The following C1orf21 variants were observed in gnomAD, a reference collection of about 807,000 sequenced individuals.
The protein encoded by C1orf21 is chromosome 1 open reading frame 21, also known as uncharacterized protein C1orf21.
In C1orf21, 3 loss-of-function variants were observed where a neutral mutation model predicts 18.7. The observed-to-expected ratio is 0.16, with a 90% confidence interval of 0.07 to 0.42. The LOEUF is 0.42. Among genes scored for constraint, C1orf21 ranks in the 10% least tolerant of loss-of-function variants. The pLI is 0.99. For synonymous variants in C1orf21, 41 were observed against 46.4 expected (o/e 0.88, Z 0.47); for missense variants, 104 against 143.6 (o/e 0.72, Z 1.41).
chr1:184,436,578 A>G (rs954144422), intron 1 of C1orf21, among the ~76,000 whole-genome samples: 4 of 152,098 alleles, frequency 2.6e-5, no homozygotes, highest in Admixed American at 2.6e-4. Context: ...GAGAAAAAAA[A>G]ATGTGACCTG....
intron 3 of C1orf21, among the ~76,000 whole-genome samples, chr1:184,536,212 G>A (rs1658549823): frequency 6.6e-6 from 1 of 152,156 alleles, no homozygotes; most frequent in Admixed American, 6.5e-5. Context: ...CATCTGACCT[G>A]GGTCAAACTT....
chr1:184,430,060 C>A (rs369245598), intron 1 of C1orf21, among the ~76,000 whole-genome samples: 21 of 148,208 alleles, frequency 1.4e-4, no homozygotes, highest in African/African-American at 4.5e-4. Flanking sequence ...TGCAGTGAGC[C>A]GAGATCACCC....
chr1:184,463,028 G>A (rs567248044), intron 1 of C1orf21, among the ~76,000 whole-genome samples: 28 of 148,152 alleles, frequency 1.9e-4, no homozygotes, highest in Middle Eastern at 3.5e-3. Flanking sequence ...GTTGCAGTGA[G>A]CCGAGATCAT....
chr1:184,574,349 T>C (rs1659156869), intron 3 of C1orf21, among the ~76,000 whole-genome samples: 1 of 152,220 alleles, frequency 6.6e-6, no homozygotes, highest in Non-Finnish European at 1.5e-5. Flanking sequence ...AATGTGCATA[T>C]GGAAAAAGTA....
chr1:184,440,401 C>T (rs372041640), intron 1 of C1orf21, among the ~76,000 whole-genome samples: 23 of 152,178 alleles, frequency 1.5e-4, no homozygotes, highest in East Asian at 1.4e-3. Context: ...CGCCCTACAC[C>T]GGCCATTTTG....
chr1:184,512,582 A>G (rs1034254300), intron 3 of C1orf21, among the ~76,000 whole-genome samples: 6 of 152,222 alleles, frequency 3.9e-5, no homozygotes. Flanking sequence ...TGCTTCTCTC[A>G]GACTTTAATT....
At chr1:184,541,108 G>A (rs1164744671) in intron 3 of C1orf21, among the ~76,000 whole-genome samples, 3 of 152,122 alleles carry the variant, frequency 2.0e-5, no homozygotes, top group Non-Finnish European at 4.4e-5. Flanking sequence ...CACATAGTTG[G>A]GGGTGGGTAT....
intron 1 of C1orf21, chr1:184,412,316 T>G (rs1656368202): frequency 6.6e-6 from 1 of 152,272 alleles, no homozygotes; most frequent in South Asian, 2.1e-4. Flanking sequence ...CAGGGTAATG[T>G]GAACCTGTTT....
intron 3 of C1orf21, among the ~76,000 whole-genome samples, chr1:184,560,041 C>T (rs777778411): frequency 1.1e-4 from 16 of 152,078 alleles, no homozygotes; most frequent in Non-Finnish European, 1.9e-4. Context: ...TGTGAGCCAC[C>T]GTGCCCAGCC....
intron 3 of C1orf21, among the ~76,000 whole-genome samples, chr1:184,589,514 G>C (rs2101998573): frequency 6.6e-6 from 1 of 152,266 alleles, no homozygotes; most frequent in East Asian, 1.9e-4. Flanking sequence ...GATTAGGAGT[G>C]TTCATCTACT....
At chr1:184,495,563 C>G (rs1434443931) in intron 2 of C1orf21, among the ~76,000 whole-genome samples, 1 of 152,070 alleles carries the variant, frequency 6.6e-6, no homozygotes, top group African/African-American at 2.4e-5. Context: ...TCCCTCCCCC[C>G]ACTACCAGCA....
At chr1:184,559,612 T>TTCCTTCCTTCCTCTCTCTTTCTTC (rs1558002760) in intron 3 of C1orf21, among the ~76,000 whole-genome samples, 2 of 138,192 alleles carry the variant, frequency 1.4e-5, no homozygotes, top group South Asian at 2.7e-4. Flanking sequence ...CCTTCCTTCC[T>TTCCTTCCTTCCTCTCTCTTTCTTC]CCCTCCCTCC....
Position 184,620,219 on chromosome 1 carries a change from C to G in C1orf21, c.*663C>G, listed in dbSNP as rs1024467989. On this transcript the variant is annotated 3_prime_UTR_variant, in exon 6 of 6. Transcript: ENST00000235307. ...GTATCTTAATCAAGAATTAAGCTTG[C>G]AACATTGGCTTTGCTCAGATGCAGA... 2.0e-5 allele frequency: 3 copies of G among 152,652 alleles called. No homozygotes were observed. Among genetic ancestry groups the G allele is most frequent in the Non-Finnish European group, 2.9e-5 (2 of 68,040 alleles). 9.5% of individuals were successfully genotyped at this position (152,652 alleles called of 1,614,324 possible).
chr1:184,431,088 T>C (rs556247028), intron 1 of C1orf21, among the ~76,000 whole-genome samples: 45 of 152,308 alleles, frequency 3.0e-4, no homozygotes, highest in African/African-American at 1.0e-3. Flanking sequence ...CTGTCTATTA[T>C]TGATATATAG....
chr1:184,460,357 AG>A (rs1308930945), intron 1 of C1orf21, among the ~76,000 whole-genome samples: 1 of 152,236 alleles, frequency 6.6e-6, no homozygotes, highest in Non-Finnish European at 1.5e-5. Flanking sequence ...ATGAAGCTTC[AG>A]TAGACATTCA....
chr1:184,521,694 A>G (rs1658308613), intron 3 of C1orf21, among the ~76,000 whole-genome samples: 1 of 152,216 alleles, frequency 6.6e-6, no homozygotes, highest in Non-Finnish European at 1.5e-5. Flanking sequence ...ATGTTACTAT[A>G]CATTTGTCAA....
intron 2 of C1orf21, among the ~76,000 whole-genome samples, chr1:184,497,348 A>G (rs947142625): frequency 2.0e-5 from 3 of 152,228 alleles, no homozygotes; most frequent in African/African-American, 4.8e-5. Context: ...CTGAGGGGAA[A>G]ATAAGTTGGT....
At chr1:184,590,225 A>G (rs538290633) in intron 3 of C1orf21, among the ~76,000 whole-genome samples, 126 of 152,360 alleles carry the variant, frequency 8.3e-4, no homozygotes, top group African/African-American at 2.7e-3. Context: ...AATACAGGCT[A>G]GGATTGAATT....
chr1:184,566,854 T>C, intron 3 of C1orf21: 1 of 490,974 alleles, frequency 2.0e-6, no homozygotes, highest in Admixed American at 2.2e-5. Context: ...AAATGCTCGA[T>C]GGAGTCAATG....
Sources: allele counts gnomAD v4.1 joint callset (sites outside exome capture counted in the v4.1 genomes callset), GRCh38; gene constraint gnomAD v4.1.1; transcripts MANE v1.5; gene names NCBI Gene and HGNC (gene_info 2026-07-23, HGNC 2026-07-21).